The following PDE10A variants were observed in gnomAD, a reference collection of about 807,000 sequenced individuals.
The protein encoded by PDE10A is phosphodiesterase 10A.
Under a neutral mutation model 97.7 loss-of-function variants are expected in PDE10A, and 39 were observed. The ratio of observed to expected loss-of-function variants is 0.40; its 90% CI spans 0.31 to 0.52. PDE10A has a LOEUF of 0.52. PDE10A is among the 20% of genes least tolerant of loss of function. The pLI is 0.56. For missense variants in PDE10A, 731 were observed against 1,047.8 expected (o/e 0.70, Z 4.17); for synonymous variants, 371 against 376.8 (o/e 0.98, Z 0.18).
chr6:165,402,646 C>T (rs1786760325), intron 13 of PDE10A, among the ~76,000 whole-genome samples: 2 of 152,038 alleles, frequency 1.3e-5, no homozygotes, highest in Non-Finnish European at 2.9e-5. Context: ...TTTTGATGGC[C>T]TATCAGTCTT....
chr6:165,658,395 GCTAA>G, intron 1 of PDE10A, among the ~76,000 whole-genome samples: 1 of 152,142 alleles, frequency 6.6e-6, no homozygotes, highest in Non-Finnish European at 1.5e-5. Context: ...ATCTTATTTT[GCTAA>G]CTTTCTCAGT....
At chr6:165,629,158 C>T (rs1330773911) in intron 1 of PDE10A, among the ~76,000 whole-genome samples, 3 of 152,124 alleles carry the variant, frequency 2.0e-5, no homozygotes, top group African/African-American at 7.2e-5. Context: ...AAAAGTTTAG[C>T]TGTGCCGTGT....
intron 1 of PDE10A, among the ~76,000 whole-genome samples, chr6:165,709,923 A>G (rs1373477095): frequency 1.3e-5 from 2 of 151,584 alleles, no homozygotes; most frequent in Non-Finnish European, 2.9e-5. Flanking sequence ...ATCAAGACCT[A>G]TCACCTCTAA....
chr6:165,567,460 T>G (rs1053795163), intron 1 of PDE10A, among the ~76,000 whole-genome samples: 4 of 152,338 alleles, frequency 2.6e-5, no homozygotes, highest in Non-Finnish European at 5.9e-5. Context: ...CTAGAGAAAC[T>G]GTCAAAATGT....
At chr6:165,420,237 C>T (rs1007601258) in intron 10 of PDE10A, among the ~76,000 whole-genome samples, 2 of 152,132 alleles carry the variant, frequency 1.3e-5, no homozygotes, top group East Asian at 1.9e-4. Context: ...GACATAGCCG[C>T]GTTCATTCAT....
chr6:165,987,878 C>T (rs996305963), exon 1 of PDE10A: 1 of 376,760 alleles, frequency 2.7e-6, no homozygotes. Context: ...GCGCCTTGGG[C>T]GCCCATGAAG....
At chr6:165,976,126 T>C (rs1784838661) in intron 1 of PDE10A, among the ~76,000 whole-genome samples, 1 of 152,250 alleles carries the variant, frequency 6.6e-6, no homozygotes, top group Admixed American at 6.5e-5. Context: ...ATTTTTCTTG[T>C]ATGCCATGAC....
intron 1 of PDE10A, among the ~76,000 whole-genome samples, chr6:165,712,642 T>C (rs1478892643): frequency 9.3e-5 from 13 of 139,162 alleles, no homozygotes; most frequent in Admixed American, 1.4e-4. Flanking sequence ...TTTTTTTTTT[T>C]TTTTTTTTTT....
At position 165,792,419 on chromosome 6, in the gene PDE10A, G is replaced by A. The variant is rs985740415; in HGVS notation, c.-615+195110C>T. Among the ~76,000 whole-genome samples, 4 of 140,894 alleles carry A rather than the reference G, an allele frequency of 2.8e-5. No homozygotes were observed. The East Asian group carries it at 6.4e-4, about 23-fold the overall frequency. The allele number at this position is 140,894 out of a possible 152,430, so 92.4% of individuals were successfully genotyped here. On this transcript the variant is annotated intron_variant, in intron 1 of 19. Coordinates refer to the PDE10A transcript ENST00000366882. ...GTGCTCTGTTGCTGCCAGAGGGCCC[G>A]GGGTAGCCAAAGCTGCTAGTCACCT...
intron 2 of PDE10A, among the ~76,000 whole-genome samples, chr6:165,506,597 T>C (rs1781205692): frequency 6.6e-6 from 1 of 152,164 alleles, no homozygotes; most frequent in South Asian, 2.1e-4. Flanking sequence ...AAATTGTTCT[T>C]GAGAATATAT....
At chr6:165,503,591 C>A (rs372551279) in intron 2 of PDE10A, among the ~76,000 whole-genome samples, 1 of 152,256 alleles carries the variant, frequency 6.6e-6, no homozygotes, top group Non-Finnish European at 1.5e-5. Context: ...CATTGAAAAG[C>A]CAAAGGCTCC....
intron 1 of PDE10A, among the ~76,000 whole-genome samples, chr6:165,790,419 CT>C (rs1488317078): frequency 6.6e-6 from 1 of 152,258 alleles, no homozygotes; most frequent in East Asian, 1.9e-4. Context: ...GGGAGGAAGT[CT>C]CTTTTTAGAT....
At chr6:165,415,001 G>C (rs373532418) in intron 12 of PDE10A, among the ~76,000 whole-genome samples, 2 of 152,186 alleles carry the variant, frequency 1.3e-5, no homozygotes, top group African/African-American at 4.8e-5. Context: ...CCTGCCCTTT[G>C]TATTAAATTG....
intron 1 of PDE10A, among the ~76,000 whole-genome samples, chr6:165,859,614 A>G (rs1780844069): frequency 6.6e-6 from 1 of 152,254 alleles, no homozygotes; most frequent in Non-Finnish European, 1.5e-5. Flanking sequence ...CCACATGTTC[A>G]GCTACCTGGA....
chr6:165,492,930 G>T (rs1294849899), intron 2 of PDE10A, among the ~76,000 whole-genome samples: 3 of 152,212 alleles, frequency 2.0e-5, no homozygotes, highest in South Asian at 4.1e-4. Context: ...CATATACCTA[G>T]AAAACCCTAA....
At chr6:165,956,337 T>C (rs118056262) in intron 1 of PDE10A, among the ~76,000 whole-genome samples, 1,823 of 152,350 alleles carry the variant, frequency 0.012, 30 homozygotes, top group Non-Finnish European at 0.021. Context: ...TTTCTCTTCA[T>C]CTTGTTGAAT....
intron 1 of PDE10A, among the ~76,000 whole-genome samples, chr6:165,821,459 T>C (rs1033610739): frequency 6.6e-6 from 1 of 152,206 alleles, no homozygotes. Flanking sequence ...GAGATGTCAT[T>C]TATTTAAATG....
chr6:165,563,959 A>T (rs1784650431), intron 1 of PDE10A, among the ~76,000 whole-genome samples: 1 of 151,200 alleles, frequency 6.6e-6, no homozygotes, highest in African/African-American at 2.4e-5. Context: ...ATATAAACAC[A>T]AACCCATCCT....
chr6:165,340,571 C>T (rs1353154321), intron 19 of PDE10A, among the ~76,000 whole-genome samples: 2 of 152,206 alleles, frequency 1.3e-5, no homozygotes, highest in African/African-American at 4.8e-5. Flanking sequence ...CTCTCAAAGA[C>T]TTGACAAGTC....
Sources: allele counts gnomAD v4.1 joint callset (sites outside exome capture counted in the v4.1 genomes callset), GRCh38; gene constraint gnomAD v4.1.1; transcripts MANE v1.5; gene names NCBI Gene and HGNC (gene_info 2026-07-23, HGNC 2026-07-21).